The following FREM2 variants were observed in gnomAD, a reference collection of about 807,000 sequenced individuals.
FREM2 encodes FRAS1-related extracellular matrix protein 2.
Under a neutral mutation model 219.9 loss-of-function variants are expected in FREM2, and 119 were observed. The ratio of observed to expected loss-of-function variants is 0.54; its 90% CI spans 0.47 to 0.63. FREM2 has a LOEUF of 0.63. Among genes scored for constraint, FREM2 ranks in the 30% least tolerant of loss-of-function variants. FREM2 has a pLI of 0.00. For synonymous variants in FREM2, 1,562 were observed against 1,522.8 expected (o/e 1.03, Z -0.60); for missense variants, 4,030 against 3,993.6 (o/e 1.01, Z -0.25).
At chr13:38,764,520 T>G in intron 3 of FREM2, 70 bp downstream of exon 3, 1 of 931,928 alleles carries the variant, frequency 1.1e-6, no homozygotes, top group Non-Finnish European at 1.6e-6. Context: ...TCTACAGTGA[T>G]TAAAGTATCA....
At chr13:38,836,437 A>G (rs1876710154) in intron 6 of FREM2, among the ~76,000 whole-genome samples, 1 of 152,110 alleles carries the variant, frequency 6.6e-6, no homozygotes, top group African/African-American at 2.4e-5. Context: ...AGGTTTTGGT[A>G]TCAGGATGAT....
intron 1 of FREM2, among the ~76,000 whole-genome samples, chr13:38,693,471 T>A (rs1869982960): frequency 6.6e-6 from 1 of 152,224 alleles, no homozygotes; most frequent in South Asian, 2.1e-4. Context: ...AAGTGTCCTA[T>A]GCAGAGTTAT....
rs372952783 is a variant in FREM2 at position 38,783,226 on chromosome 13, C to T, written c.5767+31C>T. 3.3e-5 allele frequency: 53 copies of T among 1,612,314 alleles called. No homozygotes were observed. In the African/African-American group the frequency reaches 5.6e-4, roughly 17 times the overall value. On this transcript the variant is annotated intron_variant, in intron 5 of 23. Transcript: ENST00000280481. ...TCGATTTGCCGAAAAACTAAGATAA[C>T]CCCCAAAAGATATAAATAAGCCTTT... is the stretch of plus-strand genomic sequence containing the variant.
At position 38,801,184 on chromosome 13, in the gene FREM2, C is replaced by A. The variant is rs529030481; in HGVS notation, c.6019+16376C>A. ...AGTGAATTCCTCAGTTCCAGAATTT[C>A]TGTTTGGTTGTTTAAAAAATTATTT... On this transcript the variant is annotated intron_variant, in intron 6 of 23. Transcript: ENST00000280481. Among the ~76,000 whole-genome samples the A allele has an allele frequency of 2.6e-5, 4 of 152,222 alleles. No homozygotes were observed. The South Asian group carries it at 8.3e-4, about 32-fold the overall frequency.
chr13:38,875,601 GC>G (rs1878314076), intron 18 of FREM2, among the ~76,000 whole-genome samples: 1 of 152,170 alleles, frequency 6.6e-6, no homozygotes, highest in African/African-American at 2.4e-5. Flanking sequence ...AATTGGGTTT[GC>G]CCAGCTGTGT....
At chr13:38,811,925 C>A (rs1298524647) in intron 6 of FREM2, among the ~76,000 whole-genome samples, 1 of 152,088 alleles carries the variant, frequency 6.6e-6, no homozygotes, top group Non-Finnish European at 1.5e-5. Context: ...CATTGGGCTC[C>A]ATCTCTCTCT....
chr13:38,718,444 T>C (rs1566116043), intron 2 of FREM2, among the ~76,000 whole-genome samples: 1 of 152,210 alleles, frequency 6.6e-6, no homozygotes, highest in Non-Finnish European at 1.5e-5. Context: ...AAGACCCCCT[T>C]TACAATTCCT....
chr13:38,829,266 T>C (rs1876415905), intron 6 of FREM2, among the ~76,000 whole-genome samples: 2 of 152,134 alleles, frequency 1.3e-5, no homozygotes, highest in South Asian at 4.1e-4. Context: ...TTCACTGTGC[T>C]ATAGCCTATG....
chr13:38,855,111 A>G (rs1210979146), intron 11 of FREM2, among the ~76,000 whole-genome samples: 3 of 151,080 alleles, frequency 2.0e-5, no homozygotes, highest in Admixed American at 6.6e-5. Context: ...AGCAATTTTG[A>G]AATGAGTGGT....
Position 38,691,463 on chromosome 13 carries a change from T to C in FREM2, c.4119T>C (p.Asp1373=), listed in dbSNP as rs373884956. ...CACTGGGCATGAATTTTACCCAGGATGAAGTAGACAGAAACTTAATTCAGT... is the reference window on the plus strand; with the variant it reads ...CACTGGGCATGAATTTTACCCAGGACGAAGTAGACAGAAACTTAATTCAGT... ...NITLGMNFTQ[D]EVDRNLIQYV... Residue 1373 remains aspartate (D), a synonymous_variant, in exon 1 of 24, where the codon GAT becomes GAC. Transcript: ENST00000280481. 1.9e-6 allele frequency: 3 copies of C among 1,614,058 alleles called. No individual in the cohort carries two copies. The highest frequency in any genetic ancestry group is 2.7e-5 in the African/African-American group (2 of 74,910).
At chr13:38,705,980 A>G (rs1267638462) in intron 2 of FREM2, among the ~76,000 whole-genome samples, 1 of 152,190 alleles carries the variant, frequency 6.6e-6, no homozygotes, top group Non-Finnish European at 1.5e-5. Flanking sequence ...TTTCAATGCT[A>G]CGGAGGCTTC....
Position 38,728,143 on chromosome 13 carries a change from A to G in FREM2, c.5263+30356A>G, listed in dbSNP as rs117747009. ...CTTGGTTTTAAGCTTTGCCGTGTTCAGCACCCAACACCAATATCATAAACA... is the reference window on the plus strand; with the variant it reads ...CTTGGTTTTAAGCTTTGCCGTGTTCGGCACCCAACACCAATATCATAAACA... On this transcript the variant is annotated intron_variant, in intron 2 of 23. Transcript: ENST00000280481. Among the ~76,000 whole-genome samples, 532 of 152,256 alleles carry G rather than the reference A, an allele frequency of 3.5e-3. 6 individuals carry two copies. The highest frequency in any genetic ancestry group is 4.0e-3 in the Non-Finnish European group (271 of 68,014).
chr13:38,865,007 C>A (rs530311827), intron 16 of FREM2, among the ~76,000 whole-genome samples: 1 of 152,202 alleles, frequency 6.6e-6, no homozygotes, highest in South Asian at 2.1e-4. Flanking sequence ...TTTTACAATC[C>A]TGGGAGTCAG....
intron 2 of FREM2, among the ~76,000 whole-genome samples, chr13:38,718,728 C>T (rs961885422): frequency 6.6e-6 from 1 of 152,168 alleles, no homozygotes; most frequent in African/African-American, 2.4e-5. Flanking sequence ...CTCTTAATTA[C>T]ATACCTCCAG....
At position 38,840,358 on chromosome 13, in the gene FREM2, G is replaced by A. The variant is rs9603450; in HGVS notation, c.6020-6215G>A. Among the ~76,000 whole-genome samples, 1,022 of 151,136 alleles carry A rather than the reference G, an allele frequency of 6.8e-3. 11 individuals are homozygous for A. The highest frequency in any genetic ancestry group is 0.024 in the African/African-American group (969 of 41,112). On this transcript the variant is annotated intron_variant, in intron 6 of 23. Coordinates refer to ENST00000280481, the MANE Select transcript of FREM2 (RefSeq NM_207361.6). Reference sequence around the variant, plus strand: ...AATGCAGAAATCGCCTGCCTTCTGCGTTGGCCTTGCTGGGTGCTGCAGACC... The same window carrying A: ...AATGCAGAAATCGCCTGCCTTCTGCATTGGCCTTGCTGGGTGCTGCAGACC...
chr13:38,859,512 G>A lies in FREM2; in HGVS notation c.7441G>A (p.Ala2481Thr), dbSNP rs759338792. The stretch of plus-strand genomic sequence containing the variant: ...TCAGCCTGGCTCCCGGGTACAGTGC[G>A]CAGCTCGTGCTGTGAACACCAATGG... ...YFQPGSRVQC[A>T]ARAVNTNGDE... Residue 2481 changes from alanine to threonine, a missense_variant, in exon 14 of 24, where the codon GCA becomes ACA. By Grantham distance (58) the Ala-to-Thr change is moderately conservative. Transcript: ENST00000280481. 8.8e-5 allele frequency: 142 copies of A among 1,613,944 alleles called. No individual in the cohort carries two copies. Among genetic ancestry groups the A allele is most frequent in the Middle Eastern group, 1.6e-4 (1 of 6,084 alleles).
At chr13:38,766,195 A>AT (rs995120350) in intron 3 of FREM2, among the ~76,000 whole-genome samples, 1 of 152,048 alleles carries the variant, frequency 6.6e-6, no homozygotes. Context: ...TTGTAAAATT[A>AT]TTTTTTTGCC....
intron 16 of FREM2, among the ~76,000 whole-genome samples, chr13:38,869,933 C>T (rs1280942128): frequency 6.6e-6 from 1 of 152,174 alleles, no homozygotes; most frequent in Non-Finnish European, 1.5e-5. Context: ...AATCTTAACT[C>T]TCCCATTTGT....
chr13:38,750,174 A>G (rs1320557586), intron 2 of FREM2, among the ~76,000 whole-genome samples: 1 of 152,184 alleles, frequency 6.6e-6, no homozygotes, highest in African/African-American at 2.4e-5. Flanking sequence ...TACCTCTGAT[A>G]TGGTTTGGCT....
Sources: gnomAD v4.1 joint callset for allele counts (sites outside exome capture counted in the v4.1 genomes callset) on GRCh38, gnomAD v4.1.1 for gene constraint, MANE v1.5 for transcripts, NCBI Gene and HGNC (gene_info 2026-07-23, HGNC 2026-07-21) for gene names.